CCDC178: variants seen among roughly 807,000 people sequenced by gnomAD.
The protein encoded by CCDC178 is coiled-coil domain containing 178.
In CCDC178, 126 loss-of-function variants were observed where a neutral mutation model predicts 117.4. That is an observed-to-expected ratio of 1.07 (90% CI 0.93 to 1.24). CCDC178 has a LOEUF of 1.24. Ranked by LOEUF, CCDC178 falls within the 50% of genes most tolerant of loss-of-function variation. CCDC178 has a pLI of 0.00. For synonymous variants in CCDC178, 283 were observed against 313.4 expected (o/e 0.90, Z 1.02); for missense variants, 1,030 against 986.9 (o/e 1.04, Z -0.59).
intron 12 of CCDC178, among the ~76,000 whole-genome samples, chr18:33,285,483 C>T (rs1224996514): frequency 6.6e-6 from 1 of 152,110 alleles, no homozygotes; most frequent in Non-Finnish European, 1.5e-5. Context: ...GTAAAGCTGG[C>T]ATAATCCTGA....
chr18:33,333,158 G>A lies in CCDC178; in HGVS notation c.879+16C>T, dbSNP rs138859363. 10 of 1,422,646 alleles carry A rather than the reference G, an allele frequency of 7.0e-6. No homozygotes were observed. The highest frequency in any genetic ancestry group is 3.7e-4 in the Middle Eastern group (2 of 5,402). The allele number at this position is 1,422,646 out of a possible 1,614,324, so 88.1% of individuals were successfully genotyped here. A position where few individuals can be genotyped will look rare whatever the true frequency, so the allele number is the denominator to read the frequency against. ...AAGTAATAATTTATGAAATGCTCAT[G>A]CATTCGTTTATTTACCTCCATTTTT... On this transcript the variant is annotated intron_variant, in intron 10 of 22. Transcript: ENST00000383096.
Position 33,246,235 on chromosome 18 carries a change from G to T in CCDC178, c.1410-807C>A, listed in dbSNP as rs145854168. 2.6e-5 allele frequency among the ~76,000 whole-genome samples: 4 copies of T among 151,706 alleles called. No individual in the cohort carries two copies. The South Asian group carries it at 8.3e-4, about 31-fold the overall frequency. ...GCAAACTATAGATATTAACTGGAGC[G>T]GTATCTAAACCTTGTATACACATAA... On this transcript the variant is annotated intron_variant, in intron 14 of 22. Coordinates refer to ENST00000383096, the MANE Select transcript of CCDC178 (RefSeq NM_001105528.4).
intron 21 of CCDC178, among the ~76,000 whole-genome samples, chr18:33,078,047 C>T (rs1267622034): frequency 6.6e-6 from 1 of 152,064 alleles, no homozygotes; most frequent in Non-Finnish European, 1.5e-5. Context: ...AAAATACTTG[C>T]AAACCAAATC....
intron 21 of CCDC178, among the ~76,000 whole-genome samples, chr18:33,083,549 GT>G (rs1222687288): frequency 6.6e-6 from 1 of 151,848 alleles, no homozygotes; most frequent in Admixed American, 6.6e-5. Flanking sequence ...TTCCTTTTTT[GT>G]TTTTTACTAT....
At chr18:33,266,664 A>G (rs895224065) in intron 14 of CCDC178, among the ~76,000 whole-genome samples, 1 of 144,654 alleles carries the variant, frequency 6.9e-6, no homozygotes, top group Non-Finnish European at 1.5e-5. Context: ...GGGGGGAGGG[A>G]TAGCATTAGG....
At chr18:32,963,751 CACAATATATTGT>C (rs1210257110) in intron 22 of CCDC178, among the ~76,000 whole-genome samples, 2 of 151,990 alleles carry the variant, frequency 1.3e-5, no homozygotes, top group African/African-American at 4.8e-5. Flanking sequence ...TTTGTATTTA[CACAATATATTGT>C]GTCTACCTCC....
At chr18:33,112,005 C>T (rs117689590) in intron 20 of CCDC178, among the ~76,000 whole-genome samples, 1,940 of 151,288 alleles carry the variant, frequency 0.013, 18 homozygotes, top group Middle Eastern at 0.054. Context: ...TCCAAATTGC[C>T]AAAACTAACA....
At chr18:33,096,737 AC>A (rs1179022065) in intron 20 of CCDC178, among the ~76,000 whole-genome samples, 1 of 152,042 alleles carries the variant, frequency 6.6e-6, no homozygotes, top group Non-Finnish European at 1.5e-5. Context: ...CAAAGCCTCA[AC>A]CGTCTCAGTT....
chr18:33,375,528 A>G (rs1354598749), intron 5 of CCDC178, among the ~76,000 whole-genome samples: 1 of 152,194 alleles, frequency 6.6e-6, no homozygotes, highest in East Asian at 1.9e-4. Context: ...TGGGAGAAGC[A>G]TGATAGATAA....
intron 21 of CCDC178, among the ~76,000 whole-genome samples, chr18:33,065,861 CTTTTTTT>C (rs113727763): frequency 3.8e-5 from 5 of 130,214 alleles, no homozygotes; most frequent in East Asian, 4.4e-4. Context: ...AGTTCTTTTT[CTTTTTTT>C]TTTTTTTTTT....
intron 20 of CCDC178, among the ~76,000 whole-genome samples, chr18:33,095,274 C>G (rs1254441962): frequency 6.6e-6 from 1 of 151,678 alleles, no homozygotes; most frequent in Non-Finnish European, 1.5e-5. Flanking sequence ...GATGGTAAAA[C>G]ATTAGGAAGA....
intron 20 of CCDC178, among the ~76,000 whole-genome samples, chr18:33,191,024 G>C (rs565049132): frequency 9.2e-5 from 14 of 151,998 alleles, no homozygotes; most frequent in Non-Finnish European, 1.8e-4. Context: ...CAGCATGATG[G>C]TTTCAGTAAT....
intron 21 of CCDC178, among the ~76,000 whole-genome samples, chr18:32,991,807 G>A (rs565177048): frequency 6.6e-6 from 1 of 152,272 alleles, no homozygotes; most frequent in East Asian, 1.9e-4. Flanking sequence ...GCATGAGCTA[G>A]TCTAAATAAA....
chr18:33,285,192 A>G (rs919042911), intron 12 of CCDC178, among the ~76,000 whole-genome samples: 1 of 152,142 alleles, frequency 6.6e-6, no homozygotes, highest in African/African-American at 2.4e-5. Flanking sequence ...GGAAGCAAGC[A>G]TTCCGCGTCA....
chr18:33,141,684 T>C (rs1286974851), intron 20 of CCDC178, among the ~76,000 whole-genome samples: 2 of 152,204 alleles, frequency 1.3e-5, no homozygotes, highest in Non-Finnish European at 2.9e-5. Context: ...GAAGTGAAGT[T>C]AGGGCATGTT....
At chr18:33,164,881 G>A (rs2058510329) in intron 20 of CCDC178, among the ~76,000 whole-genome samples, 1 of 152,166 alleles carries the variant, frequency 6.6e-6, no homozygotes, top group African/African-American at 2.4e-5. Flanking sequence ...GGACTCAGAA[G>A]TCATATCAAT....
At chr18:33,263,293 T>C (rs567010947) in intron 14 of CCDC178, among the ~76,000 whole-genome samples, 1 of 152,262 alleles carries the variant, frequency 6.6e-6, no homozygotes, top group Admixed American at 6.5e-5. Flanking sequence ...TCTATGAAAC[T>C]ATTTTAAATT....
chr18:33,436,387 T>C (rs2064290625), intron 2 of CCDC178, among the ~76,000 whole-genome samples: 1 of 152,188 alleles, frequency 6.6e-6, no homozygotes, highest in South Asian at 2.1e-4. Context: ...CCACTCTTTC[T>C]AGGACTTGAG....
chr18:32,996,312 G>A (rs2055507357), intron 21 of CCDC178, among the ~76,000 whole-genome samples: 1 of 151,754 alleles, frequency 6.6e-6, no homozygotes, highest in African/African-American at 2.4e-5. Context: ...CCTGATTTTG[G>A]TATTATTAAT....
Sources: gnomAD v4.1 joint callset for allele counts (sites outside exome capture counted in the v4.1 genomes callset) on GRCh38, gnomAD v4.1.1 for gene constraint, MANE v1.5 for transcripts, NCBI Gene and HGNC (gene_info 2026-07-23, HGNC 2026-07-21) for gene names.